The following GALNT15 variants were observed in gnomAD, a reference collection of about 807,000 sequenced individuals.
The protein encoded by GALNT15 is UDP-GalNAc transferase T15.
In GALNT15, 67 loss-of-function variants were observed where a neutral mutation model predicts 66.8. That is an observed-to-expected ratio of 1.00 (90% CI 0.82 to 1.23). GALNT15 has a LOEUF of 1.23. GALNT15 is among the 50% of genes most tolerant of loss of function. The pLI, the probability that GALNT15 is intolerant of heterozygous loss-of-function variation, is 0.00. For missense variants in GALNT15, 827 were observed against 804.3 expected (o/e 1.03, Z -0.34); for synonymous variants, 313 against 311.5 (o/e 1.00, Z -0.05).
chr3:16,189,056 G>T lies in GALNT15; in HGVS notation c.540-6704G>T, dbSNP rs931606470. ...TTTCTATTACAAGCTTTATCCTTCT[G>T]AAGGGAAGTCATCCTGCATTTTAAC... is the stretch of plus-strand genomic sequence containing the variant. On this transcript the variant is annotated intron_variant, in intron 1 of 9. Transcript: ENST00000339732. This position sits in a 1 kb window ranked among gnomAD's most constrained non-coding sequence, Gnocchi z 5.1. Among the ~76,000 whole-genome samples the T allele has an allele frequency of 2.0e-5, 3 of 152,092 alleles. No individual in the cohort carries two copies. The highest frequency in any genetic ancestry group is 4.4e-5 in the Non-Finnish European group (3 of 68,034).
chr3:16,239,545 C>T, the GALNT15 span, among the ~76,000 whole-genome samples: 5 of 152,280 alleles, frequency 3.3e-5, no homozygotes, highest in South Asian at 8.3e-4. This position sits in a 1 kb window ranked among gnomAD's most constrained non-coding sequence, Gnocchi z 5.2. Context: ...GAAGCAGCTC[C>T]GTGTACTCAG....
chr3:16,200,548 G>T lies in GALNT15; in HGVS notation c.707-71G>T, dbSNP rs1157828294. ...CAGCTTCCAAAAGAGAGTTGCTGAC[G>T]ATTGTCTTAGTCACAATCTCATCGG... On this transcript the variant is annotated intron_variant, in intron 2 of 9. Transcript: ENST00000339732. This position sits in a 1 kb window ranked among gnomAD's most constrained non-coding sequence, Gnocchi z 4.4. 3 of 1,252,918 alleles carry T rather than the reference G, an allele frequency of 2.4e-6. No individual in the cohort carries two copies. The highest frequency in any genetic ancestry group is 5.6e-5 in the Admixed American group (2 of 35,494). The allele number at this position is 1,252,918 out of a possible 1,614,324, so 77.6% of individuals were successfully genotyped here.
intron 4 of GALNT15, among the ~76,000 whole-genome samples, chr3:16,210,149 T>TATTTTAC (rs1376897383): frequency 6.6e-6 from 1 of 152,222 alleles, no homozygotes; most frequent in Non-Finnish European, 1.5e-5. Context: ...CAGAGCTACA[T>TATTTTAC]ATTTTACATG....
At position 16,201,581 on chromosome 3, in the gene GALNT15, A is replaced by G. The variant is rs537145750; in HGVS notation, c.911+758A>G. ...TACTCACCCATAAAAAGAAAACATT[A>G]TGTTCTCTGATCACTAAACAGCATT... On this transcript the variant is annotated intron_variant, in intron 3 of 9. Transcript: ENST00000339732. Among the ~76,000 whole-genome samples, 64 of 152,248 alleles carry G rather than the reference A, an allele frequency of 4.2e-4. 1 individual carries two copies. The highest frequency in any genetic ancestry group is 3.7e-3 in the Admixed American group (57 of 15,294).
At position 16,186,739 on chromosome 3, in the gene GALNT15, G is replaced by T. The variant is rs1230330887; in HGVS notation, c.540-9021G>T. ...TGAAGTGTCCAAAGTAGGCAAGTCT[G>T]TAAAGACAGAAAGTAGGTTAGTGGT... On this transcript the variant is annotated intron_variant, in intron 1 of 9. Transcript: ENST00000339732. The surrounding 1 kb of genome is among the most constrained non-coding windows in gnomAD (Gnocchi z 5.1). 6.6e-6 allele frequency among the ~76,000 whole-genome samples: 1 copy of T among 152,230 alleles called. No individual in the cohort carries two copies. The highest frequency in any genetic ancestry group is 1.5e-5 in the Non-Finnish European group (1 of 68,050).
chr3:16,232,469 AATATATATATATAT>A (rs374444719), downstream of GALNT15, among the ~76,000 whole-genome samples: 41 of 38,756 alleles, frequency 1.1e-3, 1 homozygote, highest in African/African-American at 2.5e-3. Context: ...TAAATAAATA[AATATATATATATAT>A]ATATATATAT....
downstream of GALNT15, among the ~76,000 whole-genome samples, chr3:16,236,967 T>G (rs1219206716): frequency 2.6e-5 from 4 of 152,220 alleles, no homozygotes; most frequent in African/African-American, 9.6e-5. Flanking sequence ...GTGATTAAAC[T>G]GTGCCAAGAG....
chr3:16,246,706 A>G, the GALNT15 span, among the ~76,000 whole-genome samples: 48 of 152,334 alleles, frequency 3.2e-4, no homozygotes, highest in Non-Finnish European at 5.9e-4. Context: ...GTAGGGAATA[A>G]TAGATTCTGC....
At chr3:16,243,868 C>A in the GALNT15 span, 1 of 278,728 alleles carries the variant, frequency 3.6e-6, no homozygotes, top group Non-Finnish European at 5.4e-6. Context: ...GTTCTTATTT[C>A]AGTGTGGTCT....
At chr3:16,194,923 A>G (rs1306518671) in intron 1 of GALNT15, among the ~76,000 whole-genome samples, 3 of 152,214 alleles carry the variant, frequency 2.0e-5, no homozygotes, top group Non-Finnish European at 4.4e-5. Flanking sequence ...GCAAACCACT[A>G]TGGCACATGT....
chr3:16,221,288 T>C (rs1220945612), intron 8 of GALNT15, among the ~76,000 whole-genome samples: 1 of 150,340 alleles, frequency 6.7e-6, no homozygotes, highest in Admixed American at 6.6e-5. Flanking sequence ...GTAAGGACTT[T>C]AGGATCCTGC....
intron 1 of GALNT15, among the ~76,000 whole-genome samples, chr3:16,190,416 A>T (rs950681831): frequency 1.3e-5 from 2 of 152,156 alleles, no homozygotes. Flanking sequence ...AGATGGGAGG[A>T]TCACGAGGTC....
In GALNT15 at chr3:16,195,802, C is replaced by T. The variant is rs148487408; in HGVS notation, c.582C>T (p.Ser194=). Residue 194 remains serine, a synonymous_variant, in exon 2 of 10, where the codon AGC becomes AGT. Transcript: ENST00000339732. The surrounding 1 kb of genome is among the most constrained non-coding windows in gnomAD (Gnocchi z 4.6). Reference sequence around the variant, plus strand: ...CTCAGGACAGCCTGCCCACAGCCAGCGTCATCCTCTGTTTCCATGATGAGG... The same window carrying T: ...CTCAGGACAGCCTGCCCACAGCCAGTGTCATCCTCTGTTTCCATGATGAGG... ...QHPQDSLPTA[S]VILCFHDEAW... is the part of the protein sequence containing the mutation. 2.1e-4 allele frequency: 332 copies of T among 1,613,850 alleles called. 1 individual carries two copies. The African/African-American group carries it at 3.9e-3, about 19-fold the overall frequency.
intron 3 of GALNT15, among the ~76,000 whole-genome samples, chr3:16,205,103 T>C (rs2063743826): frequency 6.6e-6 from 1 of 152,192 alleles, no homozygotes; most frequent in Non-Finnish European, 1.5e-5. Flanking sequence ...GCATGACACG[T>C]CCTCGTATCT....
the GALNT15 span, among the ~76,000 whole-genome samples, chr3:16,246,272 A>C: frequency 1.3e-5 from 2 of 151,318 alleles, no homozygotes; most frequent in African/African-American, 4.9e-5. Context: ...GAACTGTCCT[A>C]AGGGTCACTG....
At chr3:16,198,840 C>T (rs1168600009) in intron 2 of GALNT15, among the ~76,000 whole-genome samples, 2 of 141,536 alleles carry the variant, frequency 1.4e-5, no homozygotes, top group Admixed American at 7.2e-5. Flanking sequence ...TGGGGGCTCT[C>T]GGGTGGGGCT....
chr3:16,194,998 A>C (rs1227280572), intron 1 of GALNT15, among the ~76,000 whole-genome samples: 1 of 152,256 alleles, frequency 6.6e-6, no homozygotes, highest in Non-Finnish European at 1.5e-5. Flanking sequence ...AAATTTTAAA[A>C]AATAGTAAGT....
chr3:16,241,289 G>A, the GALNT15 span, among the ~76,000 whole-genome samples: 7 of 152,254 alleles, frequency 4.6e-5, no homozygotes, highest in Non-Finnish European at 7.3e-5. The surrounding 1 kb of genome is among the most constrained non-coding windows in gnomAD (Gnocchi z 4.6). Context: ...CAACTAAAGC[G>A]ATCACAGCAT....
chr3:16,190,667 G>T (rs1023514492), intron 1 of GALNT15, among the ~76,000 whole-genome samples: 4 of 144,726 alleles, frequency 2.8e-5, no homozygotes, highest in African/African-American at 1.0e-4. Flanking sequence ...AGAAACAAAA[G>T]AATCCCTGGC....
Sources: allele counts gnomAD v4.1 joint callset (sites outside exome capture counted in the v4.1 genomes callset), GRCh38; gene constraint gnomAD v4.1.1; non-coding constraint Gnocchi (gnomAD v3.1); transcripts MANE v1.5; gene names NCBI Gene and HGNC (gene_info 2026-07-23, HGNC 2026-07-21).